ITGB5: variants seen among roughly 807,000 people sequenced by gnomAD.
The protein encoded by ITGB5 is integrin beta-5.
Under a neutral mutation model 84.8 loss-of-function variants are expected in ITGB5, and 38 were observed. The ratio of observed to expected loss-of-function variants is 0.45; its 90% confidence interval spans 0.35 to 0.59. The LOEUF (loss-of-function observed/expected upper bound fraction) is 0.59. Ranked by LOEUF, ITGB5 falls within the 20% of genes least tolerant of loss-of-function variation. The probability of loss-of-function intolerance (pLI) is 0.01; values close to 1 mark genes in which losing one functional copy is unlikely to be tolerated. For synonymous variants in ITGB5, 393 were observed against 414.4 expected (o/e 0.95, Z 0.63); for missense variants, 905 against 1,034.5 (o/e 0.87, Z 1.72).
chr3:124,791,215 G>T (rs1429281395), intron 10 of ITGB5: 3 of 152,176 alleles, frequency 2.0e-5, no homozygotes. Context: ...CAAAAGAAAA[G>T]AAATCCTCAT....
chr3:124,822,292 G>A (rs1010299363), intron 5 of ITGB5, among the ~76,000 whole-genome samples: 12 of 152,308 alleles, frequency 7.9e-5, no homozygotes, highest in East Asian at 7.7e-4. Context: ...GGATATGGTC[G>A]CCTTCATAGT....
intron 5 of ITGB5, among the ~76,000 whole-genome samples, chr3:124,833,994 A>G (rs1244751723): frequency 3.3e-5 from 5 of 152,190 alleles, no homozygotes; most frequent in African/African-American, 9.7e-5. Flanking sequence ...TTCTCTGACA[A>G]ACAGACAGTG....
chr3:124,763,590 G>T lies in ITGB5; in HGVS notation c.*33C>A. Reference sequence around the variant, plus strand: ...GCGTTTCAGTCTGACCTTTTCATCAGATCCCCGCTCCAGCCCCTCGGAGAA... The same window carrying T: ...GCGTTTCAGTCTGACCTTTTCATCATATCCCCGCTCCAGCCCCTCGGAGAA... On this transcript the variant is annotated 3_prime_UTR_variant, in exon 15 of 15. Coordinates refer to ENST00000296181, the MANE Select transcript of ITGB5 (RefSeq NM_002213.5). The T allele has an allele frequency of 7.4e-7, 1 of 1,352,058 alleles. No homozygotes were observed. The highest frequency in any genetic ancestry group is 1.1e-6 in the Non-Finnish European group (1 of 941,632). The allele number at this position is 1,352,058 out of a possible 1,614,324, so 83.8% of individuals were successfully genotyped here. A position where few individuals can be genotyped will look rare whatever the true frequency, so the allele number is the denominator to read the frequency against.
chr3:124,823,613 T>A (rs1008164705), intron 5 of ITGB5, among the ~76,000 whole-genome samples: 15 of 149,402 alleles, frequency 1.0e-4, no homozygotes, highest in African/African-American at 3.7e-4. Context: ...TTTATCGAGA[T>A]GTATAGTATA....
chr3:124,855,281 G>C (rs2065207874), intron 3 of ITGB5, among the ~76,000 whole-genome samples: 1 of 152,118 alleles, frequency 6.6e-6, no homozygotes, highest in Non-Finnish European at 1.5e-5. Flanking sequence ...ACTCCAGCCT[G>C]GGCGACAGAG....
At position 124,798,055 on chromosome 3, in the gene ITGB5, C is replaced by CTTTTTTTTTTTTTTTTTTTTTTT. The variant is rs60292129; in HGVS notation, c.1264-1239_1264-1238insAAAAAAAAAAAAAAAAAAAAAAA. Among the ~76,000 whole-genome samples, 28 of 103,640 alleles carry CTTTTTTTTTTTTTTTTTTTTTTT rather than the reference C, an allele frequency of 2.7e-4. 3 individuals are homozygous for CTTTTTTTTTTTTTTTTTTTTTTT. The highest frequency in any genetic ancestry group is 3.7e-4 in the Admixed American group (3 of 8,098). The allele number at this position is 103,640 out of a possible 152,430, so 68.0% of individuals were successfully genotyped here. On this transcript the variant is annotated intron_variant, in intron 9 of 14. Coordinates refer to ENST00000296181, the MANE Select transcript of ITGB5 (RefSeq NM_002213.5). ...TTCTATTCTTTCGGCTAGAATAAAGCTTTTTTTTTTTTTTTTGAGGTGGAG... is the reference window on the plus strand; with the variant it reads ...TTCTATTCTTTCGGCTAGAATAAAGCTTTTTTTTTTTTTTTTTTTTTTTTTTTTTTTTTTTTTTTGAGGTGGAG...
chr3:124,815,942 T>C (rs2064584045), intron 8 of ITGB5, among the ~76,000 whole-genome samples: 1 of 152,176 alleles, frequency 6.6e-6, no homozygotes. Flanking sequence ...GAAGTGCCTA[T>C]GGGATCTGGT....
At chr3:124,793,526 C>A (rs1411270467) in intron 10 of ITGB5, among the ~76,000 whole-genome samples, 1 of 152,178 alleles carries the variant, frequency 6.6e-6, no homozygotes, top group East Asian at 1.9e-4. Flanking sequence ...TGTGGCCCCC[C>A]CAGAGGGGTG....
intron 8 of ITGB5, among the ~76,000 whole-genome samples, chr3:124,811,160 A>G (rs1428978085): frequency 6.6e-6 from 1 of 152,086 alleles, no homozygotes; most frequent in Non-Finnish European, 1.5e-5. Context: ...GCGCCACTCA[A>G]TACACAGAGC....
At chr3:124,832,255 G>A (rs1051810516) in intron 5 of ITGB5, among the ~76,000 whole-genome samples, 1 of 152,212 alleles carries the variant, frequency 6.6e-6, no homozygotes, top group African/African-American at 2.4e-5. Context: ...CCACTTCTGT[G>A]TTCCTGTGTG....
intron 2 of ITGB5, among the ~76,000 whole-genome samples, chr3:124,873,107 G>C (rs1422894196): frequency 6.6e-6 from 1 of 152,148 alleles, no homozygotes; most frequent in Non-Finnish European, 1.5e-5. Flanking sequence ...GAATCATTAT[G>C]CAACAAACTC....
Position 124,773,215 on chromosome 3 carries a change from A to G in ITGB5, c.1916+475T>C, listed in dbSNP as rs540393716. Among the ~76,000 whole-genome samples the G allele has an allele frequency of 1.7e-3, 262 of 152,108 alleles. 2 individuals carry two copies. Among genetic ancestry groups the G allele is most frequent in the African/African-American group, 5.9e-3 (243 of 41,492 alleles). ...AGCCACCATGCCCGGCCTCTTTCCAATTTACCTTCTGATGATGTTTGTCAG... is the reference window on the plus strand; with the variant it reads ...AGCCACCATGCCCGGCCTCTTTCCAGTTTACCTTCTGATGATGTTTGTCAG... On this transcript the variant is annotated intron_variant, in intron 11 of 14. Coordinates refer to ENST00000296181, the MANE Select transcript of ITGB5 (RefSeq NM_002213.5).
chr3:124,796,069 G>C (rs763374966), intron 10 of ITGB5, among the ~76,000 whole-genome samples: 4 of 152,232 alleles, frequency 2.6e-5, no homozygotes, highest in Non-Finnish European at 5.9e-5. Context: ...AGGCAATCAA[G>C]AAGAGGCTGA....
chr3:124,868,868 G>T (rs189834378), intron 2 of ITGB5, among the ~76,000 whole-genome samples: 2 of 152,190 alleles, frequency 1.3e-5, no homozygotes, highest in African/African-American at 4.8e-5. Context: ...AGCCAGGGCT[G>T]ATGTGACACA....
chr3:124,764,368 C>T (rs756863936), intron 14 of ITGB5, 23 bp downstream of exon 14: 1 of 1,590,644 alleles, frequency 6.3e-7, no homozygotes, highest in South Asian at 1.1e-5. Flanking sequence ...GTCTCCTCTG[C>T]TTCCCATTTC....
Position 124,859,313 on chromosome 3 carries a change from T to A in ITGB5, c.290A>T (p.Lys97Met), listed in dbSNP as rs1298052423. The A allele has an allele frequency of 1.2e-6, 2 of 1,614,106 alleles. No individual in the cohort carries two copies. The highest frequency in any genetic ancestry group is 1.7e-6 in the Non-Finnish European group (2 of 1,180,026). The change falls in exon 3 of 15, where the codon AAG (lysine) becomes ATG (methionine). Residue 97 changes from lysine (K) to methionine (M), a missense_variant. Lys to Met is a moderately conservative substitution (Grantham distance 95). Transcript: ENST00000296181. Reference protein sequence around the residue: ...HVLRSLPLSSKGSGSAGWDVI... With the variant: ...HVLRSLPLSSMGSGSAGWDVI... ...GTCCCAGCCTGCAGAGCCCGAACCC[T>A]TGCTGCTGAGGGGCAGGCTCCTCAG...
At chr3:124,772,495 A>G (rs1459894944) in intron 11 of ITGB5, among the ~76,000 whole-genome samples, 1 of 152,234 alleles carries the variant, frequency 6.6e-6, no homozygotes, top group Non-Finnish European at 1.5e-5. Flanking sequence ...GAAATCTGCC[A>G]AGAGAAAATC....
chr3:124,868,196 C>T (rs943502012), intron 2 of ITGB5, among the ~76,000 whole-genome samples: 1 of 152,116 alleles, frequency 6.6e-6, no homozygotes, highest in Admixed American at 6.5e-5. Context: ...AACCCCTTTC[C>T]TTTATAAATT....
intron 5 of ITGB5, among the ~76,000 whole-genome samples, chr3:124,824,597 G>A (rs60866359): frequency 0.025 from 3,774 of 152,240 alleles, 178 homozygotes; most frequent in African/African-American, 0.086. Flanking sequence ...TGAAATGACA[G>A]GGCACAGACT....
Sources: gnomAD v4.1 joint callset for allele counts (sites outside exome capture counted in the v4.1 genomes callset) on GRCh38, gnomAD v4.1.1 for gene constraint, MANE v1.5 for transcripts, NCBI Gene and HGNC (gene_info 2026-07-23, HGNC 2026-07-21) for gene names.